ABAT: variants seen among roughly 807,000 people sequenced by gnomAD.
ABAT encodes 4-aminobutyrate aminotransferase, mitochondrial.
ABAT carries 45 observed loss-of-function variants against 64.6 expected under a neutral mutation model. The ratio of observed to expected loss-of-function variants is 0.70; its 90% confidence interval spans 0.55 to 0.89. The LOEUF (loss-of-function observed/expected upper bound fraction) is 0.89. Ranked by LOEUF, ABAT falls within the 40% of genes least tolerant of loss-of-function variation. The probability of loss-of-function intolerance (pLI) is 0.00; values close to 1 mark genes in which losing one functional copy is unlikely to be tolerated. For missense variants in ABAT, 633 were observed against 658.4 expected (o/e 0.96, Z 0.42); for synonymous variants, 297 against 250.5 (o/e 1.19, Z -1.75).
intron 1 of ABAT, among the ~76,000 whole-genome samples, chr16:8,733,577 C>T (rs1192102962): frequency 3.3e-5 from 5 of 151,300 alleles, no homozygotes; most frequent in African/African-American, 1.2e-4. Flanking sequence ...CGTCTGTAAT[C>T]CCGGCACCTC....
intron 14 of ABAT, among the ~76,000 whole-genome samples, chr16:8,778,434 C>T (rs79388338): frequency 0.079 from 12,002 of 152,102 alleles, 599 homozygotes; most frequent in Middle Eastern, 0.14. Flanking sequence ...TGGTGTTCTC[C>T]CCACTGTGCC....
At chr16:8,745,942 C>A in intron 2 of ABAT, 59 bp from the exon 3 acceptor site, 1 of 1,533,350 alleles carries the variant, frequency 6.5e-7, no homozygotes, top group Non-Finnish European at 9.0e-7. Context: ...TCTGTCAGGG[C>A]AGAATCCTCA....
At chr16:8,732,197 T>C (rs1172738711) in intron 1 of ABAT, among the ~76,000 whole-genome samples, 2 of 5,546 alleles carry the variant, frequency 3.6e-4, no homozygotes, top group Non-Finnish European at 2.2e-3. Flanking sequence ...GTTTTTTTTG[T>C]TTTTTTTTTT....
intron 1 of ABAT, among the ~76,000 whole-genome samples, chr16:8,724,425 A>G (rs1287754249): frequency 1.3e-5 from 2 of 152,198 alleles, no homozygotes; most frequent in African/African-American, 2.4e-5. Context: ...CCATTTCAAT[A>G]CTGCACAGAA....
intron 11 of ABAT, among the ~76,000 whole-genome samples, chr16:8,771,464 CTTTCT>C (rs1308564009): frequency 1.8e-5 from 2 of 108,514 alleles, no homozygotes; most frequent in East Asian, 3.2e-4. Flanking sequence ...TAGGGTTTTT[CTTTCT>C]TTTTTTTTTT....
intron 5 of ABAT, chr16:8,757,418 T>C (rs189753121): frequency 4.3e-4 from 156 of 364,360 alleles, no homozygotes; most frequent in African/African-American, 3.0e-3. Context: ...TCCACCCGCC[T>C]TGGCCTCCCG....
At chr16:8,731,627 C>G (rs1297157927) in intron 1 of ABAT, 1 of 149,138 alleles carries the variant, frequency 6.7e-6, no homozygotes, top group Non-Finnish European at 1.5e-5. Context: ...TCCTGGATCA[C>G]TTTTCTTTTT....
At chr16:8,689,946 A>G (rs1251766082) in intron 1 of ABAT, among the ~76,000 whole-genome samples, 1 of 152,218 alleles carries the variant, frequency 6.6e-6, no homozygotes, top group Admixed American at 6.5e-5. Context: ...TTTTATACCT[A>G]GAACAACTAT....
At chr16:8,773,103 TATAC>T (rs2060161928) in intron 12 of ABAT, among the ~76,000 whole-genome samples, 186 bp downstream of exon 12, 4 of 51,468 alleles carry the variant, frequency 7.8e-5, no homozygotes, top group African/African-American at 2.6e-4. Flanking sequence ...TCCCTAAAAC[TATAC>T]ACACACACAC....
chr16:8,693,401 CA>C (rs2141985784), intron 1 of ABAT, among the ~76,000 whole-genome samples: 1 of 152,224 alleles, frequency 6.6e-6, no homozygotes, highest in Admixed American at 6.5e-5. Flanking sequence ...AAAAAATCCT[CA>C]TATTAGTGGA....
chr16:8,768,394 T>C, intron 10 of ABAT, 138 bp downstream of exon 10: 1 of 942,836 alleles, frequency 1.1e-6, no homozygotes, highest in Admixed American at 2.0e-5. Flanking sequence ...GTGGGGATTA[T>C]TATTCCTGCT....
chr16:8,758,987 A>G (rs977358253), intron 6 of ABAT, among the ~76,000 whole-genome samples: 17 of 152,126 alleles, frequency 1.1e-4, no homozygotes, highest in African/African-American at 3.6e-4. Context: ...CTGTAATCTC[A>G]GCTACTTGGG....
chr16:8,779,797 T>G (rs949423049), intron 15 of ABAT, among the ~76,000 whole-genome samples: 1 of 152,152 alleles, frequency 6.6e-6, no homozygotes, highest in African/African-American at 2.4e-5. Flanking sequence ...AAGCGTTCGC[T>G]GAGGAGGTGA....
intron 1 of ABAT, among the ~76,000 whole-genome samples, chr16:8,723,651 T>G (rs1322244476): frequency 6.6e-6 from 1 of 151,598 alleles, no homozygotes; most frequent in Non-Finnish European, 1.5e-5. Context: ...CCAGGATGTG[T>G]TCATCCATTA....
intron 2 of ABAT, among the ~76,000 whole-genome samples, chr16:8,738,616 G>GGTTTTTTTTTTTTTTTTT (rs1555488773): frequency 8.5e-6 from 1 of 117,576 alleles, no homozygotes; most frequent in African/African-American, 3.8e-5. Flanking sequence ...TTTTGTTTTT[G>GGTTTTTTTTTTTTTTTTT]TTTTTGTTTT....
At chr16:8,766,150 A>G in intron 8 of ABAT, 58 bp from the exon 9 acceptor site, 1 of 1,541,200 alleles carries the variant, frequency 6.5e-7, no homozygotes, top group Non-Finnish European at 9.0e-7. Context: ...GGTTGGAAAG[A>G]TGAAGCCCCG....
chr16:8,709,570 C>T (rs1300821305), intron 1 of ABAT, among the ~76,000 whole-genome samples: 1 of 152,130 alleles, frequency 6.6e-6, no homozygotes, highest in East Asian at 1.9e-4. Context: ...GACGGGGTTT[C>T]ACCATGTTGG....
At chr16:8,756,843 T>A (rs1171036812) in intron 5 of ABAT, among the ~76,000 whole-genome samples, 1 of 152,238 alleles carries the variant, frequency 6.6e-6, no homozygotes, top group African/African-American at 2.4e-5. Context: ...TTATACACAC[T>A]GGTAGGATAA....
At chr16:8,751,689 G>A (rs997390069) in intron 5 of ABAT, among the ~76,000 whole-genome samples, 6 of 152,124 alleles carry the variant, frequency 3.9e-5, no homozygotes, top group Admixed American at 6.6e-5. Flanking sequence ...TGCCAAGGGC[G>A]ATTTTCCAGG....
Sources: gnomAD v4.1 joint callset for allele counts (sites outside exome capture counted in the v4.1 genomes callset) on GRCh38, gnomAD v4.1.1 for gene constraint, MANE v1.5 for transcripts, NCBI Gene and HGNC (gene_info 2026-07-23, HGNC 2026-07-21) for gene names.